The following ROCK2 variants were observed in gnomAD, a reference collection of about 807,000 sequenced individuals.
The protein encoded by ROCK2 is Rho associated coiled-coil containing protein kinase 2.
Under a neutral mutation model 195.1 loss-of-function variants are expected in ROCK2, and 61 were observed. The observed-to-expected ratio is 0.31, with a 90% CI of 0.25 to 0.39. The LOEUF (loss-of-function observed/expected upper bound fraction) is 0.39. ROCK2 is among the 10% of genes least tolerant of loss of function. The pLI is 1.00. For synonymous variants in ROCK2, 504 were observed against 545.5 expected (o/e 0.92, Z 1.06); for missense variants, 1,109 against 1,637.4 (o/e 0.68, Z 5.57).
intron 3 of ROCK2, among the ~76,000 whole-genome samples, chr2:11,279,932 T>C (rs1185000711): frequency 6.6e-6 from 1 of 152,108 alleles, no homozygotes; most frequent in East Asian, 1.9e-4. Flanking sequence ...TAAATAACTC[T>C]TGGGTCAAAG....
intron 3 of ROCK2, among the ~76,000 whole-genome samples, chr2:11,262,651 C>G (rs188740473): frequency 1.4e-4 from 21 of 152,288 alleles, no homozygotes; most frequent in East Asian, 1.4e-3. Context: ...ATGTGACTTG[C>G]TGCTCCTTGC....
At chr2:11,253,194 G>T (rs1426434023) in intron 3 of ROCK2, among the ~76,000 whole-genome samples, 1 of 152,018 alleles carries the variant, frequency 6.6e-6, no homozygotes, top group Non-Finnish European at 1.5e-5. Context: ...AAGAAATCAA[G>T]CACCTTACCA....
At chr2:11,339,530 G>GA (rs1317219755) in intron 1 of ROCK2, among the ~76,000 whole-genome samples, 20 of 52,350 alleles carry the variant, frequency 3.8e-4, no homozygotes, top group Middle Eastern at 0.01. Flanking sequence ...TTCCATAACA[G>GA]AAAAAAAAAA....
intron 32 of ROCK2, among the ~76,000 whole-genome samples, chr2:11,186,164 CACAA>C (rs1440294888): frequency 6.6e-6 from 1 of 152,180 alleles, no homozygotes; most frequent in Non-Finnish European, 1.5e-5. Flanking sequence ...TGAGAAAACA[CACAA>C]ACAGATATAA....
At chr2:11,250,000 T>C (rs1665775170) in intron 3 of ROCK2, among the ~76,000 whole-genome samples, 2 of 152,194 alleles carry the variant, frequency 1.3e-5, no homozygotes, top group South Asian at 4.1e-4. Flanking sequence ...AAATATGTAA[T>C]ACTTTTAAAC....
chr2:11,208,553 T>C (rs1429294247), intron 18 of ROCK2, 106 bp from the exon 19 acceptor site: 17 of 499,428 alleles, frequency 3.4e-5, no homozygotes, highest in Non-Finnish European at 4.9e-5. Context: ...ATAAAAATTA[T>C]AATAAATGAT....
chr2:11,333,489 G>A (rs1343749499), intron 1 of ROCK2, among the ~76,000 whole-genome samples: 1 of 151,748 alleles, frequency 6.6e-6, no homozygotes, highest in Non-Finnish European at 1.5e-5. Flanking sequence ...TTTAAATATG[G>A]TCCAGAGAAC....
At chr2:11,321,330 C>G (rs548135429) in intron 1 of ROCK2, among the ~76,000 whole-genome samples, 13 of 152,000 alleles carry the variant, frequency 8.6e-5, no homozygotes, top group African/African-American at 3.1e-4. Flanking sequence ...TGCACGCCAC[C>G]GCACCGGGCT....
At chr2:11,317,587 T>TAAAAAAAAA (rs1553317367) in intron 1 of ROCK2, among the ~76,000 whole-genome samples, 2 of 12,448 alleles carry the variant, frequency 1.6e-4, no homozygotes, top group African/African-American at 5.3e-4. Context: ...TATATATATA[T>TAAAAAAAAA]ATATATATAT....
Position 11,337,636 on chromosome 2 carries a change from C to CT in ROCK2, c.141+6359dup, listed in dbSNP as rs200442493. On this transcript the variant is annotated intron_variant, in intron 1 of 32. Coordinates refer to ENST00000315872, the MANE Select transcript of ROCK2 (RefSeq NM_004850.5). ...ACTTCATAAAAAGATCTGGCAGTTT[C>CT]TTTTTTTTTTTTTGAGACAGAGTCT... 3.6e-3 allele frequency among the ~76,000 whole-genome samples: 511 copies of CT among 143,178 alleles called. 1 individual carries two copies. The highest frequency in any genetic ancestry group is 7.3e-3 in the Middle Eastern group (2 of 274). 93.9% of individuals were successfully genotyped at this position (143,178 alleles called of 152,430 possible).
intron 1 of ROCK2, among the ~76,000 whole-genome samples, chr2:11,338,223 G>C (rs4668721): frequency 0.77 from 116,465 of 151,932 alleles, 47,221 homozygotes; most frequent in East Asian, 0.94. Context: ...CAGTGGCACA[G>C]GCCTGTAGTC....
chr2:11,265,379 CATT>C (rs1292382372), intron 3 of ROCK2, among the ~76,000 whole-genome samples: 4 of 152,156 alleles, frequency 2.6e-5, no homozygotes, highest in Non-Finnish European at 4.4e-5. Context: ...CTTATTTTCT[CATT>C]ATTCTACTGT....
Position 11,224,720 on chromosome 2 carries a change from G to GT in ROCK2, c.869-261dup, listed in dbSNP as rs61186205. Among the ~76,000 whole-genome samples, 620 of 141,808 alleles carry GT rather than the reference G, an allele frequency of 4.4e-3. 1 individual carries two copies. Among genetic ancestry groups the GT allele is most frequent in the African/African-American group, 0.011 (414 of 39,050 alleles). 93.0% of individuals were successfully genotyped at this position (141,808 alleles called of 152,430 possible). A position where few individuals can be genotyped will look rare whatever the true frequency, so the allele number is the denominator to read the frequency against. Reference sequence around the variant, plus strand: ...CAATGATAACTCCCGAATTTGTTGAGTTTTTTTTTTTTTTAATTTAAGAGA... The same window carrying GT: ...CAATGATAACTCCCGAATTTGTTGAGTTTTTTTTTTTTTTTAATTTAAGAGA... On this transcript the variant is annotated intron_variant, in intron 6 of 32. Coordinates refer to ENST00000315872, the MANE Select transcript of ROCK2 (RefSeq NM_004850.5).
chr2:11,211,488 G>C (rs1453071507), intron 18 of ROCK2, among the ~76,000 whole-genome samples, 193 bp downstream of exon 18: 1 of 151,992 alleles, frequency 6.6e-6, no homozygotes, highest in East Asian at 1.9e-4. Flanking sequence ...TACTATCTTA[G>C]AAATGATTAC....
chr2:11,194,309 A>G lies in ROCK2; in HGVS notation c.3555T>C (p.Tyr1185=), dbSNP rs1215640315. The part of the protein sequence containing the change: ...VIVSSKKILF[Y]DSEQDKEQSN... ...ATTGTTCTTTATCTTGTTCACTGTC[A>G]TAGAAAAGAATCTTCTTACTGCTTA... Residue 1185 remains tyrosine, a synonymous_variant, in exon 29 of 33, where the codon TAT becomes TAC. Transcript: ENST00000315872. 1 of 1,468,410 alleles carries G rather than the reference A, an allele frequency of 6.8e-7. No individual in the cohort carries two copies. Among genetic ancestry groups the G allele is most frequent in the Non-Finnish European group, 9.2e-7 (1 of 1,083,598 alleles). 91.0% of individuals were successfully genotyped at this position (1,468,410 alleles called of 1,614,324 possible).
intron 32 of ROCK2, among the ~76,000 whole-genome samples, chr2:11,191,119 G>A (rs1432172710): frequency 6.6e-6 from 1 of 152,180 alleles, no homozygotes; most frequent in East Asian, 1.9e-4. Flanking sequence ...TGAAGGTCCT[G>A]TGTTAGGGAA....
chr2:11,256,165 T>C (rs1269985299), intron 3 of ROCK2, among the ~76,000 whole-genome samples: 2 of 151,186 alleles, frequency 1.3e-5, no homozygotes, highest in Non-Finnish European at 2.9e-5. Flanking sequence ...CATACTTATA[T>C]ATAATAATTA....
intron 32 of ROCK2, among the ~76,000 whole-genome samples, chr2:11,186,670 T>C (rs1344950719): frequency 6.6e-6 from 1 of 151,982 alleles, no homozygotes. Flanking sequence ...GTTCAGACTT[T>C]CTCTCTAGTG....
chr2:11,202,349 T>C (rs1170301771), intron 20 of ROCK2, among the ~76,000 whole-genome samples: 1 of 152,102 alleles, frequency 6.6e-6, no homozygotes, highest in Non-Finnish European at 1.5e-5. Flanking sequence ...TGTAATTACA[T>C]CATTCTGATG....
Sources: allele counts gnomAD v4.1 joint callset (sites outside exome capture counted in the v4.1 genomes callset), GRCh38; gene constraint gnomAD v4.1.1; transcripts MANE v1.5; gene names NCBI Gene and HGNC (gene_info 2026-07-23, HGNC 2026-07-21).